The following LRP2 variants were observed in gnomAD, a reference collection of about 807,000 sequenced individuals.
LRP2 encodes the protein LDL receptor related protein 2.
In LRP2, 172 loss-of-function variants were observed where a neutral mutation model predicts 531.0. That is an observed-to-expected ratio of 0.32 (90% CI 0.29 to 0.37). LRP2 has a LOEUF of 0.37. Ranked by LOEUF, LRP2 falls within the 10% of genes least tolerant of loss-of-function variation. The pLI, the probability that LRP2 is intolerant of heterozygous loss-of-function variation, is 1.00. For synonymous variants in LRP2, 1,992 were observed against 2,027.6 expected (o/e 0.98, Z 0.47); for missense variants, 5,167 against 5,868.3 (o/e 0.88, Z 3.90).
intron 31 of LRP2, among the ~76,000 whole-genome samples, chr2:169,228,312 A>T (rs948881546): frequency 5.9e-5 from 3 of 50,554 alleles, no homozygotes; most frequent in African/African-American, 2.4e-4. Flanking sequence ...CTGCAACAGT[A>T]AAAAAAAAAA....
chr2:169,324,878 C>G (rs1685004932), intron 1 of LRP2, among the ~76,000 whole-genome samples: 1 of 152,076 alleles, frequency 6.6e-6, no homozygotes, highest in Non-Finnish European at 1.5e-5. Flanking sequence ...GCATGTTCGT[C>G]AGGAAGTGTA....
chr2:169,153,214 C>T (rs1479342520), intron 66 of LRP2, among the ~76,000 whole-genome samples: 9 of 152,176 alleles, frequency 5.9e-5, no homozygotes, highest in African/African-American at 1.9e-4. Context: ...AAAAGTGATT[C>T]ATTTAAACGT....
intron 38 of LRP2, 123 bp from the exon 39 acceptor site, chr2:169,207,373 C>A: frequency 1.4e-6 from 1 of 728,602 alleles, no homozygotes; most frequent in Non-Finnish European, 2.4e-6. Flanking sequence ...GTTGTCTTTT[C>A]CAAGATGATA....
At position 169,263,814 on chromosome 2, in the gene LRP2, C is replaced by T. The variant is rs1443693758; in HGVS notation, c.2321-4597G>A. Reference sequence around the variant, plus strand: ...ATGCACACGTATGTTTATTGCGGCACTATTCACAATAGCAAAGACTTGGAA... The same window carrying T: ...ATGCACACGTATGTTTATTGCGGCATTATTCACAATAGCAAAGACTTGGAA... On this transcript the variant is annotated intron_variant, in intron 16 of 78. Transcript: ENST00000649046. Among the ~76,000 whole-genome samples, 5 of 152,014 alleles carry T rather than the reference C, an allele frequency of 3.3e-5. 1 individual carries two copies. The highest frequency in any genetic ancestry group is 1.9e-4 in the East Asian group (1 of 5,168).
In LRP2 at chr2:169,247,380, G is replaced by C. The variant is rs1393570779; in HGVS notation, c.2906C>G (p.Thr969Ser). Reference sequence around the variant, plus strand: ...AAAAACTGGGCAATCTCACTCACCAGTCTGGATGTTGACATCATACGATTT... The same window carrying C: ...AAAAACTGGGCAATCTCACTCACCACTCTGGATGTTGACATCATACGATTT... ...HLKSYDVNIQ[T>S]GSNACNQPTH... Residue 969 changes from threonine to serine, a missense_variant and splice_region_variant, in exon 20 of 79, where the codon ACT (threonine) becomes AGT (serine). By Grantham distance (58) the Thr-to-Ser change is moderately conservative. Coordinates refer to ENST00000649046, the MANE Select transcript of LRP2 (RefSeq NM_004525.3). The C allele has an allele frequency of 6.2e-7, 1 of 1,614,024 alleles. No individual in the cohort carries two copies. Among genetic ancestry groups the C allele is most frequent in the East Asian group, 2.2e-5 (1 of 44,888 alleles).
rs777197536 is a variant in LRP2 at position 169,320,894 on chromosome 2, TAGAC to T, written c.80-14_80-11del. ...TGCGCACTGTCACATTCTGCAATAA[TAGAC>T]AGAAATTTTAAAAACTTATGCCATG... is the stretch of plus-strand genomic sequence containing the variant. On this transcript the variant is annotated splice_polypyrimidine_tract_variant and intron_variant, in intron 1 of 78. Coordinates refer to ENST00000649046, the MANE Select transcript of LRP2 (RefSeq NM_004525.3). 14 of 1,593,324 alleles carry T rather than the reference TAGAC, an allele frequency of 8.8e-6. No homozygotes were observed. In the Admixed American group the frequency reaches 2.3e-4, roughly 27 times the overall value.
intron 44 of LRP2, among the ~76,000 whole-genome samples, chr2:169,200,119 C>T (rs907824762): frequency 3.2e-4 from 49 of 152,048 alleles, no homozygotes; most frequent in Non-Finnish European, 6.0e-4. Flanking sequence ...GGCATGGTGG[C>T]GGGTGCCTGT....
intron 1 of LRP2, among the ~76,000 whole-genome samples, chr2:169,356,249 T>C (rs1367047605): frequency 1.3e-5 from 2 of 152,216 alleles, no homozygotes; most frequent in Admixed American, 1.3e-4. Flanking sequence ...AACTTAGTTT[T>C]GTGACATTCA....
intron 16 of LRP2, among the ~76,000 whole-genome samples, chr2:169,267,514 G>A (rs2544388): frequency 0.84 from 128,088 of 152,202 alleles, 54,635 homozygotes; most frequent in East Asian, 0.97. Flanking sequence ...TACTGGGTAA[G>A]CAACGAAATG....
rs1253610788 is a variant in LRP2 at position 169,244,689 on chromosome 2, T to C, written c.3430+4A>G. The C allele has an allele frequency of 1.9e-5, 31 of 1,614,224 alleles. No individual in the cohort carries two copies. Among genetic ancestry groups the C allele is most frequent in the Non-Finnish European group, 2.3e-5 (27 of 1,180,036 alleles). ...CAACCAAGGGAAACCAGCTCAAAAC[T>C]TACTGCAGTTCTTTTCATCAGATCC... On this transcript the variant is annotated splice_donor_region_variant and intron_variant, in intron 22 of 78. Coordinates refer to ENST00000649046, the MANE Select transcript of LRP2 (RefSeq NM_004525.3).
chr2:169,154,259 A>G (rs1245131644), intron 66 of LRP2, among the ~76,000 whole-genome samples: 1 of 152,206 alleles, frequency 6.6e-6, no homozygotes, highest in Non-Finnish European at 1.5e-5. Flanking sequence ...TGATCGGAGG[A>G]GTTTTAGAAA....
intron 4 of LRP2, among the ~76,000 whole-genome samples, chr2:169,296,656 G>A (rs914284616): frequency 3.3e-5 from 5 of 152,008 alleles, no homozygotes; most frequent in Non-Finnish European, 5.9e-5. Flanking sequence ...GGGCTTGAAC[G>A]GTGGCTACTT....
intron 3 of LRP2, among the ~76,000 whole-genome samples, chr2:169,312,405 C>G (rs1179202941): frequency 5.3e-5 from 8 of 152,144 alleles, no homozygotes; most frequent in Non-Finnish European, 1.2e-4. Flanking sequence ...CTGGTGGTGA[C>G]AAAATCTCTC....
intron 15 of LRP2, 147 bp from the exon 16 acceptor site, chr2:169,271,254 A>T (rs1683405854): frequency 1.7e-6 from 1 of 599,452 alleles, no homozygotes; most frequent in Non-Finnish European, 2.9e-6. Flanking sequence ...TGGAAAGCAT[A>T]GTTAGAAATA....
At chr2:169,180,002 G>C (rs1422458519) in intron 52 of LRP2, among the ~76,000 whole-genome samples, 1 of 151,904 alleles carries the variant, frequency 6.6e-6, no homozygotes, top group Non-Finnish European at 1.5e-5. Context: ...ATCCATCTAC[G>C]TAAATAATCT....
chr2:169,219,947 A>T (rs1172412772), intron 34 of LRP2, among the ~76,000 whole-genome samples: 1 of 152,140 alleles, frequency 6.6e-6, no homozygotes, highest in Non-Finnish European at 1.5e-5. Context: ...CATGTGGTCA[A>T]CAGCTCCCTA....
At chr2:169,233,909 G>C (rs1364991124) in intron 29 of LRP2, among the ~76,000 whole-genome samples, 2 of 152,118 alleles carry the variant, frequency 1.3e-5, no homozygotes, top group Admixed American at 6.5e-5. Flanking sequence ...TCACCTACTA[G>C]TTAAAAGTTA....
chr2:169,362,271 CA>C, intron 1 of LRP2, 49 bp downstream of exon 1: 1 of 1,489,846 alleles, frequency 6.7e-7, no homozygotes, highest in Non-Finnish European at 9.1e-7. Flanking sequence ...CCGACCCTGC[CA>C]CAGCCGGGGA....
At chr2:169,274,906 G>GT in intron 14 of LRP2, 130 bp downstream of exon 14, 1 of 864,226 alleles carries the variant, frequency 1.2e-6, no homozygotes, top group Non-Finnish European at 1.9e-6. Context: ...AACACTCTGG[G>GT]TAACCCTTCA....
Sources: allele counts gnomAD v4.1 joint callset (sites outside exome capture counted in the v4.1 genomes callset), GRCh38; gene constraint gnomAD v4.1.1; transcripts MANE v1.5; gene names NCBI Gene and HGNC (gene_info 2026-07-23, HGNC 2026-07-21).